Variants in BICD2 observed in about 807,000 individuals in gnomAD.
BICD2 encodes the protein BICD cargo adaptor 2, also known as protein bicaudal D homolog 2.
In BICD2, 25 loss-of-function variants were observed where a neutral mutation model predicts 72.9. That is an observed-to-expected ratio of 0.34 (90% CI 0.25 to 0.48). The LOEUF is 0.48. Ranked by LOEUF, BICD2 falls within the 20% of genes least tolerant of loss-of-function variation. BICD2 has a pLI of 0.99. For synonymous variants in BICD2, 501 were observed against 516.1 expected, an observed-to-expected ratio of 0.97 and a Z score of 0.40; for missense variants, 894 against 1,175.2, an observed-to-expected ratio of 0.76 and a Z score of 3.50.
In BICD2 at chr9:92,713,920, G is replaced by A; in HGVS notation, c.*1234C>T. ...CTCTTCCGCATGAGAGACAAGGCAA[G>A]CAGCCTGCAGGAGAGAAGACTGCAG... On this transcript the variant is annotated 3_prime_UTR_variant, in exon 7 of 7. Coordinates refer to ENST00000356884, the MANE Select transcript of BICD2 (RefSeq NM_001003800.2). The A allele has an allele frequency of 1.0e-6, 1 of 998,722 alleles. No homozygotes were observed. The highest frequency in any genetic ancestry group is 1.2e-6 in the Non-Finnish European group (1 of 837,524). The allele number at this position is 998,722 out of a possible 1,614,324, so 61.9% of individuals were successfully genotyped here. A position where few individuals can be genotyped will look rare whatever the true frequency, so the allele number is the denominator to read the frequency against.
intron 1 of BICD2, among the ~76,000 whole-genome samples, chr9:92,763,053 G>A (rs1854403304): frequency 6.6e-6 from 1 of 152,206 alleles, no homozygotes; most frequent in Non-Finnish European, 1.5e-5. Context: ...CGCCACTGGA[G>A]CATGCATTGC....
At chr9:92,736,117 T>C (rs186024012) in intron 1 of BICD2, among the ~76,000 whole-genome samples, 2 of 152,250 alleles carry the variant, frequency 1.3e-5, no homozygotes, top group East Asian at 3.9e-4. Context: ...AGTCACAGGA[T>C]GTGATAGGAG....
intron 6 of BICD2, 53 bp downstream of exon 6, chr9:92,717,744 G>A: frequency 6.5e-7 from 1 of 1,539,580 alleles, no homozygotes; most frequent in Non-Finnish European, 8.8e-7. Context: ...AGAGGCAAGT[G>A]CTGAGGACAG....
intron 2 of BICD2, among the ~76,000 whole-genome samples, chr9:92,725,678 T>A (rs1386047645): frequency 6.6e-6 from 1 of 152,144 alleles, no homozygotes; most frequent in Non-Finnish European, 1.5e-5. Context: ...CTTTGTGGGA[T>A]CCCCACACCT....
At chr9:92,762,150 T>C (rs1854386142) in intron 1 of BICD2, among the ~76,000 whole-genome samples, 1 of 152,022 alleles carries the variant, frequency 6.6e-6, no homozygotes, top group East Asian at 1.9e-4. Context: ...GTTCAAGAAA[T>C]AAAGTTTTCT....
Position 92,713,553 on chromosome 9 carries a change from G to A in BICD2, c.*1601C>T, listed in dbSNP as rs191904362. On this transcript the variant is annotated 3_prime_UTR_variant, in exon 7 of 7. Coordinates refer to ENST00000356884, the MANE Select transcript of BICD2 (RefSeq NM_001003800.2). ...GAAGCTCTCCACGTGCTGGGAGGGCGCGAGCACGTTAGTTGGCAGAAGAGA... is the reference window on the plus strand; with the variant it reads ...GAAGCTCTCCACGTGCTGGGAGGGCACGAGCACGTTAGTTGGCAGAAGAGA... The A allele has an allele frequency of 3.9e-6, 6 of 1,549,272 alleles. No homozygotes were observed. Among genetic ancestry groups the A allele is most frequent in the East Asian group, 4.9e-5 (2 of 41,156 alleles).
In BICD2 at chr9:92,735,411, G is replaced by A. The variant is rs1853761949; in HGVS notation, c.241-6175C>T. Among the ~76,000 whole-genome samples, 4 of 151,914 alleles carry A rather than the reference G, an allele frequency of 2.6e-5. No homozygotes were observed. In the South Asian group the frequency reaches 8.3e-4, roughly 32 times the overall value. On this transcript the variant is annotated intron_variant, in intron 1 of 6. Coordinates refer to ENST00000356884, the MANE Select transcript of BICD2 (RefSeq NM_001003800.2). ...AGGAGGGAGAAATCACAGGGGCTCA[G>A]GGAAGGGATTTCAAAAACCACATGG...
chr9:92,728,870 T>C (rs963028834), intron 2 of BICD2, among the ~76,000 whole-genome samples, 154 bp downstream of exon 2: 1 of 151,912 alleles, frequency 6.6e-6, no homozygotes, highest in African/African-American at 2.4e-5. Context: ...GGCAGTGGAG[T>C]GCAGTGGAGG....
At position 92,713,717 on chromosome 9, in the gene BICD2, C is replaced by T; in HGVS notation, c.*1437G>A. ...GGTGGGCATGCCAGCAGCCATCCCA[C>T]TGCGAGTCTTGCTGGGGCAGGGGGA... On this transcript the variant is annotated 3_prime_UTR_variant, in exon 7 of 7. Transcript: ENST00000356884. 7.3e-7 allele frequency: 1 copy of T among 1,375,248 alleles called. No homozygotes were observed. The highest frequency in any genetic ancestry group is 9.4e-7 in the Non-Finnish European group (1 of 1,060,256). The allele number at this position is 1,375,248 out of a possible 1,614,324, so 85.2% of individuals were successfully genotyped here.
intron 1 of BICD2, among the ~76,000 whole-genome samples, chr9:92,744,495 T>C (rs528534653): frequency 3.9e-5 from 6 of 152,322 alleles, no homozygotes; most frequent in Non-Finnish European, 8.8e-5. Context: ...ATAGTTTCCA[T>C]ATTTACCTTA....
At chr9:92,760,339 G>A (rs1052841608) in intron 1 of BICD2, among the ~76,000 whole-genome samples, 1 of 152,210 alleles carries the variant, frequency 6.6e-6, no homozygotes, top group Non-Finnish European at 1.5e-5. Context: ...ATCCCATGGA[G>A]GGTGGCCAGG....
chr9:92,721,061 GC>G (rs1564061468), intron 3 of BICD2, among the ~76,000 whole-genome samples: 1 of 152,206 alleles, frequency 6.6e-6, no homozygotes, highest in Non-Finnish European at 1.5e-5. Context: ...GTCTGAGGTG[GC>G]CCCAAGCCAG....
chr9:92,761,164 G>C (rs913040145), intron 1 of BICD2, among the ~76,000 whole-genome samples: 25 of 152,174 alleles, frequency 1.6e-4, no homozygotes, highest in Non-Finnish European at 2.8e-4. Flanking sequence ...AGGAGAGGTA[G>C]GGCAGTCCCA....
In BICD2 at chr9:92,764,199, G is replaced by A. The variant is rs1369766958; in HGVS notation, c.240+306C>T. On this transcript the variant is annotated intron_variant, in intron 1 of 6. Transcript: ENST00000356884. The surrounding 1 kb of genome is among the most constrained non-coding windows in gnomAD (Gnocchi z 5.5). ...CACCCGGAACAGCGACCACCGCAAA[G>A]CATCAGCCCTTACGAAGCCCCGCCC... 6.8e-6 allele frequency among the ~76,000 whole-genome samples: 1 copy of A among 147,330 alleles called. No individual in the cohort carries two copies. The highest frequency in any genetic ancestry group is 1.5e-5 in the Non-Finnish European group (1 of 66,998).
At chr9:92,723,899 T>C (rs1853513839) in intron 2 of BICD2, among the ~76,000 whole-genome samples, 1 of 152,188 alleles carries the variant, frequency 6.6e-6, no homozygotes, top group Non-Finnish European at 1.5e-5. Context: ...CGTTTCTTCT[T>C]TGTGGTGGGA....
At chr9:92,763,622 A>G (rs1054956074) in intron 1 of BICD2, among the ~76,000 whole-genome samples, 4 of 152,074 alleles carry the variant, frequency 2.6e-5, no homozygotes, top group African/African-American at 4.8e-5. Context: ...GGAACGGGAG[A>G]AGAGAAGCTG....
Position 92,764,276 on chromosome 9 carries a change from G to T in BICD2, c.240+229C>A, listed in dbSNP as rs923779983. ...AAGCAGGCGGGCAGCTGCAGGAGGCGACAAGGCGCCCGGACCCCTGCATTA... is the reference window on the plus strand; with the variant it reads ...AAGCAGGCGGGCAGCTGCAGGAGGCTACAAGGCGCCCGGACCCCTGCATTA... On this transcript the variant is annotated intron_variant, in intron 1 of 6. Coordinates refer to ENST00000356884, the MANE Select transcript of BICD2 (RefSeq NM_001003800.2). The surrounding 1 kb of genome is among the most constrained non-coding windows in gnomAD (Gnocchi z 5.5). 2.6e-5 allele frequency among the ~76,000 whole-genome samples: 4 copies of T among 152,164 alleles called. No individual in the cohort carries two copies. Among genetic ancestry groups the T allele is most frequent in the Non-Finnish European group, 5.9e-5 (4 of 68,014 alleles).
chr9:92,740,922 G>C (rs1853885933), intron 1 of BICD2, among the ~76,000 whole-genome samples: 1 of 152,224 alleles, frequency 6.6e-6, no homozygotes, highest in Non-Finnish European at 1.5e-5. Context: ...GACCCAGGGA[G>C]TGCATGCCCA....
At chr9:92,761,464 A>G (rs1194820822) in intron 1 of BICD2, among the ~76,000 whole-genome samples, 1 of 152,224 alleles carries the variant, frequency 6.6e-6, no homozygotes, top group African/African-American at 2.4e-5. Context: ...CCAAGGTGGC[A>G]CACCAAGGCA....
Sources: allele counts gnomAD v4.1 joint callset (sites outside exome capture counted in the v4.1 genomes callset), GRCh38; gene constraint gnomAD v4.1.1; non-coding constraint Gnocchi (gnomAD v3.1); transcripts MANE v1.5; gene names NCBI Gene and HGNC (gene_info 2026-07-23, HGNC 2026-07-21).